The following ZFYVE9 variants were observed in gnomAD, a reference collection of about 807,000 sequenced individuals.
The protein encoded by ZFYVE9 is zinc finger FYVE domain-containing protein 9.
A neutral mutation model predicts 126.7 loss-of-function variants in ZFYVE9; 43 were observed. That is an observed-to-expected ratio of 0.34 (90% CI 0.27 to 0.44). The LOEUF (loss-of-function observed/expected upper bound fraction) is 0.44. ZFYVE9 is among the 20% of genes least tolerant of loss of function. The pLI, the probability that ZFYVE9 is intolerant of heterozygous loss-of-function variation, is 1.00. For synonymous variants in ZFYVE9, 521 were observed against 597.4 expected (o/e 0.87, Z 1.87); for missense variants, 1,476 against 1,697.0 (o/e 0.87, Z 2.29).
At position 52,244,543 on chromosome 1, in the gene ZFYVE9, A is replaced by G. The variant is rs537202648; in HGVS notation, c.2178+4948A>G. Among the ~76,000 whole-genome samples, 5 of 152,284 alleles carry G rather than the reference A, an allele frequency of 3.3e-5. No homozygotes were observed. In the East Asian group the frequency reaches 9.6e-4, roughly 29 times the overall value. On this transcript the variant is annotated intron_variant, in intron 4 of 18. Coordinates refer to ENST00000287727, the MANE Select transcript of ZFYVE9 (RefSeq NM_004799.4). Reference sequence around the variant, plus strand: ...AAACATTGTGAAGGGTGAAATAGGGATAGATGATGAAGGTTTGAGGAGAGT... The same window carrying G: ...AAACATTGTGAAGGGTGAAATAGGGGTAGATGATGAAGGTTTGAGGAGAGT...
intron 1 of ZFYVE9, among the ~76,000 whole-genome samples, chr1:52,187,880 G>A (rs1404625133): frequency 1.3e-5 from 2 of 152,160 alleles, no homozygotes; most frequent in African/African-American, 4.8e-5. Flanking sequence ...CAGCCATTAT[G>A]GAAAACGATT....
intron 1 of ZFYVE9, among the ~76,000 whole-genome samples, chr1:52,164,143 C>T (rs1422666276): frequency 2.7e-5 from 4 of 147,868 alleles, no homozygotes; most frequent in East Asian, 3.9e-4. Context: ...TTTGTAGAGA[C>T]GGGTTTTCAC....
intron 13 of ZFYVE9, among the ~76,000 whole-genome samples, chr1:52,322,827 CAG>C (rs1018733352): frequency 2.6e-5 from 4 of 151,922 alleles, no homozygotes. Context: ...TTTTTGGAGA[CAG>C]AGTCTCGCTC....
intron 13 of ZFYVE9, among the ~76,000 whole-genome samples, chr1:52,322,377 C>CTT (rs113375062): frequency 0.035 from 4,202 of 119,350 alleles, 173 homozygotes; most frequent in East Asian, 0.11. Context: ...GTGGTCTTTT[C>CTT]TTTTTTTTTT....
intron 4 of ZFYVE9, among the ~76,000 whole-genome samples, chr1:52,247,718 A>T (rs1645402107): frequency 6.6e-6 from 1 of 151,986 alleles, no homozygotes; most frequent in African/African-American, 2.4e-5. Flanking sequence ...GCTGGTCTCA[A>T]ACTCCTGACC....
intron 1 of ZFYVE9, among the ~76,000 whole-genome samples, chr1:52,161,505 G>T (rs934102095): frequency 6.6e-6 from 1 of 152,024 alleles, no homozygotes; most frequent in African/African-American, 2.4e-5. Context: ...TGCCCAGGCT[G>T]GTCTTGAACT....
At chr1:52,266,089 A>G (rs975614317) in intron 5 of ZFYVE9, among the ~76,000 whole-genome samples, 1 of 152,002 alleles carries the variant, frequency 6.6e-6, no homozygotes, top group African/African-American at 2.4e-5. Context: ...GAAGTATCCT[A>G]TAATTCTTTT....
intron 1 of ZFYVE9, among the ~76,000 whole-genome samples, chr1:52,169,194 A>G (rs1402574753): frequency 6.6e-6 from 1 of 151,986 alleles, no homozygotes; most frequent in Non-Finnish European, 1.5e-5. Flanking sequence ...TGAGTCCAGG[A>G]GTTTGAGACC....
At chr1:52,146,026 T>TA (rs1401785632) in intron 1 of ZFYVE9, among the ~76,000 whole-genome samples, 104 of 40,594 alleles carry the variant, frequency 2.6e-3, no homozygotes, top group African/African-American at 0.012. Flanking sequence ...CTCAAAAATA[T>TA]CCACACACAC....
At chr1:52,281,124 TC>T (rs1225001222) in intron 9 of ZFYVE9, among the ~76,000 whole-genome samples, 1 of 151,056 alleles carries the variant, frequency 6.6e-6, no homozygotes, top group African/African-American at 2.4e-5. Flanking sequence ...ATTTTTCTTT[TC>T]TTTTCTTTTC....
chr1:52,318,976 A>G (rs762940994), intron 13 of ZFYVE9, among the ~76,000 whole-genome samples: 2 of 152,188 alleles, frequency 1.3e-5, no homozygotes, highest in African/African-American at 2.4e-5. Context: ...ACATGCCTGT[A>G]GTTCCAGCTA....
At chr1:52,172,962 C>G (rs1242181984) in intron 1 of ZFYVE9, among the ~76,000 whole-genome samples, 1 of 151,992 alleles carries the variant, frequency 6.6e-6, no homozygotes, top group Admixed American at 6.6e-5. Context: ...GACAATTTGA[C>G]TTCCTCTTTT....
intron 1 of ZFYVE9, among the ~76,000 whole-genome samples, chr1:52,175,579 G>A (rs1644618506): frequency 6.6e-6 from 1 of 150,962 alleles, no homozygotes; most frequent in African/African-American, 2.4e-5. Context: ...AAGTTCTCCT[G>A]GATAATATCC....
At chr1:52,160,272 C>T in intron 1 of ZFYVE9, 1 of 905,142 alleles carries the variant, frequency 1.1e-6, no homozygotes, top group South Asian at 1.3e-5. Flanking sequence ...TAAATCTTTA[C>T]AACAGTTCGA....
At chr1:52,229,345 G>A (rs1311784625) in intron 2 of ZFYVE9, among the ~76,000 whole-genome samples, 2 of 152,158 alleles carry the variant, frequency 1.3e-5, no homozygotes, top group Admixed American at 1.3e-4. Flanking sequence ...TTGTTAAACT[G>A]TTGTGGTGGT....
In ZFYVE9 at chr1:52,282,947, C is replaced by T. The variant is rs1052920003; in HGVS notation, c.3025+1131C>T. Among the ~76,000 whole-genome samples the T allele has an allele frequency of 3.3e-5, 5 of 152,176 alleles. No individual in the cohort carries two copies. In the East Asian group the frequency reaches 5.8e-4, roughly 18 times the overall value. ...TATTTTTAATGTGATGTAGATTATG[C>T]GTAAAAGATTGTGCCTTTATGTCTT... is the stretch of plus-strand genomic sequence containing the variant. On this transcript the variant is annotated intron_variant, in intron 10 of 18. Coordinates refer to ENST00000287727, the MANE Select transcript of ZFYVE9 (RefSeq NM_004799.4).
In ZFYVE9 at chr1:52,346,504, C is replaced by T. The variant is rs1315252552; in HGVS notation, c.*283C>T. On this transcript the variant is annotated 3_prime_UTR_variant, in exon 19 of 19. Transcript: ENST00000287727. ...CCTTGCAGCTAATCCCCTTCTGTTACTGTTTAGACAAGAATTCCGCTCCTC... is the reference window on the plus strand; with the variant it reads ...CCTTGCAGCTAATCCCCTTCTGTTATTGTTTAGACAAGAATTCCGCTCCTC... 3 of 417,154 alleles carry T rather than the reference C, an allele frequency of 7.2e-6. No individual in the cohort carries two copies. The highest frequency in any genetic ancestry group is 1.3e-5 in the Non-Finnish European group (3 of 236,406). The allele number at this position is 417,154 out of a possible 1,614,324, so 25.8% of individuals were successfully genotyped here. A position where few individuals can be genotyped will look rare whatever the true frequency, so the allele number is the denominator to read the frequency against.
At chr1:52,259,260 C>T (rs1645553985) in intron 4 of ZFYVE9, among the ~76,000 whole-genome samples, 1 of 151,800 alleles carries the variant, frequency 6.6e-6, no homozygotes, top group African/African-American at 2.4e-5. Flanking sequence ...AGGAGACTAC[C>T]CTAATCACTT....
At position 52,263,093 on chromosome 1, in the gene ZFYVE9, A is replaced by AAG. The variant is rs539902852; in HGVS notation, c.2179-679_2179-678insGA. Reference sequence around the variant, plus strand: ...AATTGTGTCTCAAAAAAAAAAAAAAAAAAAGAAAAGAAATCTTAACAGGAA... The same window carrying AAG: ...AATTGTGTCTCAAAAAAAAAAAAAAAAGAAAAGAAAAGAAATCTTAACAGGAA... On this transcript the variant is annotated intron_variant, in intron 4 of 18. Transcript: ENST00000287727. 7.3e-3 allele frequency among the ~76,000 whole-genome samples: 1,095 copies of AAG among 150,802 alleles called. 51 individuals are homozygous for AAG. The East Asian group carries it at 0.11, about 15-fold the overall frequency.
Sources: allele counts gnomAD v4.1 joint callset (sites outside exome capture counted in the v4.1 genomes callset), GRCh38; gene constraint gnomAD v4.1.1; transcripts MANE v1.5; gene names NCBI Gene and HGNC (gene_info 2026-07-23, HGNC 2026-07-21).